SYNE1: variants seen among roughly 807,000 people sequenced by gnomAD.
SYNE1 encodes spectrin repeat containing nuclear envelope protein 1, also known as nesprin-1.
Under a neutral mutation model 1,111.0 loss-of-function variants are expected in SYNE1, and 616 were observed. The observed-to-expected ratio is 0.55, with a 90% confidence interval of 0.52 to 0.59. SYNE1 has a LOEUF of 0.59. SYNE1 is among the 20% of genes least tolerant of loss of function. The pLI is 0.00. For missense variants in SYNE1, 10,006 were observed against 10,417.0 expected, an observed-to-expected ratio of 0.96 and a Z score of 1.72; for synonymous variants, 3,855 against 3,825.8, an observed-to-expected ratio of 1.01 and a Z score of -0.28.
chr6:152,456,221 T>G lies in SYNE1; in HGVS notation c.2569-177A>C, dbSNP rs553378162. Among the ~76,000 whole-genome samples the G allele has an allele frequency of 5.9e-5, 9 of 151,896 alleles. No individual in the cohort carries two copies. The South Asian group carries it at 1.9e-3, about 32-fold the overall frequency. On this transcript the variant is annotated intron_variant, in intron 22 of 145. Transcript: ENST00000367255. ...TTCAAAAGATCTCAATTTTAAACAA[T>G]CACTGAAGTCAGTGCTTTCTTATAT...
In SYNE1 at chr6:152,413,343, T is replaced by TA; in HGVS notation, c.6230+8_6230+9insT. On this transcript the variant is annotated intron_variant, in intron 42 of 145. Transcript: ENST00000367255. ...GCTAAAAACAAGAACTGGGTGGGTT[T>TA]TGACTTACTTTTCATGAATTAGTCT... The TA allele has an allele frequency of 1.9e-6, 3 of 1,614,162 alleles. No individual in the cohort carries two copies. Among genetic ancestry groups the TA allele is most frequent in the Non-Finnish European group, 2.5e-6 (3 of 1,180,008 alleles).
rs551224106 is a variant in SYNE1 at position 152,565,342 on chromosome 6, C to T, written c.68-25321G>A. Among the ~76,000 whole-genome samples the T allele has an allele frequency of 3.9e-5, 6 of 152,304 alleles. No individual in the cohort carries two copies. In the East Asian group the frequency reaches 1.2e-3, roughly 29 times the overall value. ...TACTGGGAATAAAGTAATCCTGAAT[C>T]CTTAAAAGCTGGGCCCACAACCTAG... On this transcript the variant is annotated intron_variant, in intron 3 of 145. Coordinates refer to ENST00000367255, the MANE Select transcript of SYNE1 (RefSeq NM_182961.4).
chr6:152,490,579 A>G (rs557439066), intron 11 of SYNE1, among the ~76,000 whole-genome samples: 3 of 152,186 alleles, frequency 2.0e-5, no homozygotes, highest in African/African-American at 7.2e-5. Context: ...TGCAAGAGAA[A>G]AACCCCCTTT....
At chr6:152,183,886 G>T (rs1233949288) in intron 128 of SYNE1, among the ~76,000 whole-genome samples, 1 of 152,072 alleles carries the variant, frequency 6.6e-6, no homozygotes, top group Non-Finnish European at 1.5e-5. Context: ...TTTGACATGG[G>T]GTGCAAATAT....
chr6:152,625,095 T>C (rs1206294382), intron 3 of SYNE1, among the ~76,000 whole-genome samples: 2 of 152,200 alleles, frequency 1.3e-5, no homozygotes, highest in Admixed American at 6.5e-5. Flanking sequence ...CTTTGAAAAT[T>C]AGCAACTCTG....
chr6:152,333,881 C>T, intron 77 of SYNE1, 127 bp downstream of exon 77: 4 of 1,298,554 alleles, frequency 3.1e-6, no homozygotes, highest in South Asian at 1.2e-5. Flanking sequence ...AATCCACCCG[C>T]CTCAGCCTCC....
At chr6:152,130,069 C>T (rs1227895104) in intron 145 of SYNE1, among the ~76,000 whole-genome samples, 9 of 152,044 alleles carry the variant, frequency 5.9e-5, no homozygotes. Context: ...AGTCGGCTCT[C>T]GGGAGGTGAC....
intron 6 of SYNE1, among the ~76,000 whole-genome samples, chr6:152,511,332 G>A (rs1164054387): frequency 6.6e-6 from 1 of 152,096 alleles, no homozygotes; most frequent in East Asian, 1.9e-4. Flanking sequence ...ATGGATTTCA[G>A]AAACTTCTTT....
Position 152,436,087 on chromosome 6 carries a change from C to T in SYNE1, c.4164G>A (p.Arg1388=). Residue 1388 remains arginine (R), a synonymous_variant, in exon 33 of 146, where the codon CGG becomes CGA. Transcript: ENST00000367255. Reference sequence around the variant, plus strand: ...CAGCCTGGACTGCAATACTTTCTGTCCGTTTAGAAAACTCCTAGAAAAAAT... The same window carrying T: ...CAGCCTGGACTGCAATACTTTCTGTTCGTTTAGAAAACTCCTAGAAAAAAT... ...ELEQTKEFSK[R]TESIAVQAEN... 1 of 1,613,854 alleles carries T rather than the reference C, an allele frequency of 6.2e-7. No homozygotes were observed. The highest frequency in any genetic ancestry group is 1.1e-5 in the South Asian group (1 of 91,020).
chr6:152,525,784 G>T (rs998784685), intron 5 of SYNE1, among the ~76,000 whole-genome samples: 1 of 152,138 alleles, frequency 6.6e-6, no homozygotes, highest in South Asian at 2.1e-4. Context: ...CTTGTATACC[G>T]TATAGATACA....
intron 3 of SYNE1, among the ~76,000 whole-genome samples, chr6:152,585,158 C>A (rs1412409107): frequency 6.6e-6 from 1 of 152,220 alleles, no homozygotes; most frequent in Non-Finnish European, 1.5e-5. Context: ...TCTTTCCTTG[C>A]TGCCGCCATG....
chr6:152,511,565 A>G (rs1346292680), intron 6 of SYNE1: 28 of 1,612,684 alleles, frequency 1.7e-5, no homozygotes, highest in Non-Finnish European at 2.2e-5. Flanking sequence ...TAAAATTTGT[A>G]CTAACCGGTG....
chr6:152,140,870 A>T (rs1012525694), intron 139 of SYNE1, among the ~76,000 whole-genome samples: 9 of 151,860 alleles, frequency 5.9e-5, no homozygotes, highest in Non-Finnish European at 1.3e-4. Flanking sequence ...CACCTCTACT[A>T]AAAATACAAA....
chr6:152,267,242 T>C (rs531366048), intron 100 of SYNE1, among the ~76,000 whole-genome samples: 1 of 152,328 alleles, frequency 6.6e-6, no homozygotes, highest in Non-Finnish European at 1.5e-5. Context: ...TCAAAGTTAT[T>C]TGCCAAAGGA....
intron 3 of SYNE1, among the ~76,000 whole-genome samples, chr6:152,555,276 A>G (rs1478366985): frequency 2.0e-5 from 3 of 152,232 alleles, no homozygotes; most frequent in African/African-American, 4.8e-5. Context: ...ATAACATTTC[A>G]GCCAATGATG....
intron 10 of SYNE1, among the ~76,000 whole-genome samples, chr6:152,500,490 T>C (rs2099023597): frequency 1.3e-5 from 2 of 152,230 alleles, no homozygotes; most frequent in South Asian, 4.1e-4. Context: ...TTCTATCAAA[T>C]GCCAAATTAA....
At chr6:152,457,987 A>AT (rs1169363812) in intron 22 of SYNE1, among the ~76,000 whole-genome samples, 2 of 150,904 alleles carry the variant, frequency 1.3e-5, no homozygotes, top group Non-Finnish European at 3.0e-5. Flanking sequence ...TACATATAAA[A>AT]TTTATATATA....
intron 98 of SYNE1, 114 bp from the exon 99 acceptor site, chr6:152,269,400 G>C (rs1160398491): frequency 6.5e-7 from 1 of 1,529,802 alleles, no homozygotes; most frequent in Non-Finnish European, 8.9e-7. Context: ...TGGCTCCACT[G>C]GGATGTGAAA....
intron 8 of SYNE1, among the ~76,000 whole-genome samples, chr6:152,506,236 A>G (rs1351478016): frequency 6.6e-6 from 1 of 152,202 alleles, no homozygotes; most frequent in Non-Finnish European, 1.5e-5. Context: ...TAACTTATCA[A>G]TTATAAAGGC....
Sources: gnomAD v4.1 joint callset for allele counts (sites outside exome capture counted in the v4.1 genomes callset) on GRCh38, gnomAD v4.1.1 for gene constraint, MANE v1.5 for transcripts, NCBI Gene and HGNC (gene_info 2026-07-23, HGNC 2026-07-21) for gene names.